The following ADAM9 variants were observed in gnomAD, a reference collection of about 807,000 sequenced individuals.
ADAM9 encodes disintegrin and metalloproteinase domain-containing protein 9.
In ADAM9, 54 loss-of-function variants were observed where a neutral mutation model predicts 108.1. That is an observed-to-expected ratio of 0.50 (90% confidence interval 0.40 to 0.63). The LOEUF (loss-of-function observed/expected upper bound fraction) is 0.63. Ranked by LOEUF, ADAM9 falls within the 20% of genes least tolerant of loss-of-function variation. The pLI, the probability that ADAM9 is intolerant of heterozygous loss-of-function variation, is 0.00. For missense variants in ADAM9, 830 were observed against 997.7 expected (o/e 0.83, Z 2.26); for synonymous variants, 316 against 336.0 (o/e 0.94, Z 0.65).
chr8:39,099,710 A>G (rs1839622745), intron 20 of ADAM9, among the ~76,000 whole-genome samples: 1 of 152,180 alleles, frequency 6.6e-6, no homozygotes, highest in Non-Finnish European at 1.5e-5. Flanking sequence ...AGTTGTATAC[A>G]TTTATGGGGT....
chr8:39,090,448 G>A (rs569467109), intron 19 of ADAM9, among the ~76,000 whole-genome samples: 1 of 152,154 alleles, frequency 6.6e-6, no homozygotes. Context: ...GATTACTGGA[G>A]TGAGCCTCCA....
At chr8:39,025,750 A>T (rs1588349079) in intron 9 of ADAM9, 53 bp from the exon 10 acceptor site, 2 of 1,523,498 alleles carry the variant, frequency 1.3e-6, no homozygotes, top group Non-Finnish European at 1.8e-6. Context: ...AATAAAAGCA[A>T]TGTGTTCCTT....
chr8:39,061,679 G>A (rs780708213), intron 14 of ADAM9, among the ~76,000 whole-genome samples: 2 of 151,768 alleles, frequency 1.3e-5, no homozygotes, highest in African/African-American at 4.8e-5. Context: ...GATGAGGGTC[G>A]TTTTGCTGAG....
chr8:39,039,333 A>G (rs1217494430), intron 11 of ADAM9, among the ~76,000 whole-genome samples: 1 of 152,248 alleles, frequency 6.6e-6, no homozygotes, highest in East Asian at 1.9e-4. Flanking sequence ...TGATGTAAAT[A>G]TAGGTGGTGA....
At chr8:39,022,097 T>TGTGTGTGA (rs1356591377) in intron 8 of ADAM9, among the ~76,000 whole-genome samples, 145 of 136,272 alleles carry the variant, frequency 1.1e-3, no homozygotes, top group African/African-American at 4.0e-3. Flanking sequence ...TGTGTGTGTG[T>TGTGTGTGA]GAGAGAGAGA....
rs780558969 is a variant in ADAM9 at position 39,085,294 on chromosome 8, CAT to C, written c.2068+2222_2068+2223del. Among the ~76,000 whole-genome samples, 7 of 152,260 alleles carry C rather than the reference CAT, an allele frequency of 4.6e-5. No homozygotes were observed. The South Asian group carries it at 6.2e-4, about 14-fold the overall frequency. On this transcript the variant is annotated intron_variant, in intron 18 of 21. Coordinates refer to ENST00000487273, the MANE Select transcript of ADAM9 (RefSeq NM_003816.3). ...CTCTCATTTTGTGCCATTGTTGTCA[CAT>C]GTTTTACTTCTACTAATGTTATAAA...
At chr8:39,101,750 G>C in intron 20 of ADAM9, 113 bp from the exon 21 acceptor site, 1 of 887,382 alleles carries the variant, frequency 1.1e-6, no homozygotes, top group Non-Finnish European at 1.7e-6. Context: ...TTTCTGATAA[G>C]GAATATTCAA....
chr8:39,000,482 G>A (rs116649593), intron 1 of ADAM9, among the ~76,000 whole-genome samples: 53 of 151,722 alleles, frequency 3.5e-4, no homozygotes, highest in Admixed American at 2.3e-3. Flanking sequence ...CTTTCTGAGA[G>A]ACAGGGTCTT....
At chr8:39,005,763 C>A (rs762688391) in intron 1 of ADAM9, among the ~76,000 whole-genome samples, 72 of 152,176 alleles carry the variant, frequency 4.7e-4, no homozygotes, top group Non-Finnish European at 7.1e-4. Context: ...TCATTAAAAA[C>A]AAATCATGAT....
chr8:39,019,968 C>A (rs1836680027), intron 7 of ADAM9, among the ~76,000 whole-genome samples: 1 of 152,224 alleles, frequency 6.6e-6, no homozygotes, highest in African/African-American at 2.4e-5. Flanking sequence ...ATGTTTTGGA[C>A]AAGTCACAAA....
chr8:39,022,870 C>G (rs1331967859), intron 8 of ADAM9, among the ~76,000 whole-genome samples: 1 of 151,950 alleles, frequency 6.6e-6, no homozygotes, highest in Non-Finnish European at 1.5e-5. Flanking sequence ...TGCACCACCA[C>G]GCCCAGCTAA....
In ADAM9 at chr8:39,017,387, G is replaced by A; in HGVS notation, c.579G>A (p.Glu193=). The A allele has an allele frequency of 6.2e-7, 1 of 1,614,016 alleles. No homozygotes were observed. Among genetic ancestry groups the A allele is most frequent in the Non-Finnish European group, 8.5e-7 (1 of 1,179,968 alleles). Residue 193 remains glutamate, a synonymous_variant, in exon 6 of 22, where the codon GAG becomes GAA. Coordinates refer to ENST00000487273, the MANE Select transcript of ADAM9 (RefSeq NM_003816.3). ...AAACTGCAAAGGATGAAGAGGAAGA[G>A]CCTCCCAGCATGACTCAGCTACTTC... ...EKETAKDEEE[E]PPSMTQLLRR... is the part of the protein sequence containing the mutation.
chr8:39,070,574 G>T (rs1838650972), intron 14 of ADAM9, among the ~76,000 whole-genome samples: 1 of 151,882 alleles, frequency 6.6e-6, no homozygotes, highest in Admixed American at 6.6e-5. Flanking sequence ...AGGCAACATA[G>T]CAAGACCCCA....
intron 11 of ADAM9, among the ~76,000 whole-genome samples, chr8:39,038,324 T>A (rs1009089815): frequency 1.3e-5 from 2 of 152,154 alleles, no homozygotes; most frequent in East Asian, 1.9e-4. Flanking sequence ...CATGACTCAT[T>A]TCCTCACTGA....
chr8:39,103,912 A>G lies in ADAM9; in HGVS notation c.*212A>G, dbSNP rs1839781544. ...GTAAAGCCAGGGAATTTACAATAAC[A>G]TTTCCGTTTCCATCATTGAATAAGT... On this transcript the variant is annotated 3_prime_UTR_variant, in exon 22 of 22. Coordinates refer to ENST00000487273, the MANE Select transcript of ADAM9 (RefSeq NM_003816.3). 1.5e-6 allele frequency: 1 copy of G among 687,228 alleles called. No individual in the cohort carries two copies. 42.6% of individuals were successfully genotyped at this position (687,228 alleles called of 1,614,324 possible).
chr8:39,085,290 G>C (rs1461218783), intron 18 of ADAM9, among the ~76,000 whole-genome samples: 1 of 151,966 alleles, frequency 6.6e-6, no homozygotes, highest in Non-Finnish European at 1.5e-5. Flanking sequence ...TGCCATTGTT[G>C]TCACATGTTT....
chr8:39,044,542 AT>A (rs1204293722), intron 12 of ADAM9, among the ~76,000 whole-genome samples: 1 of 151,136 alleles, frequency 6.6e-6, no homozygotes, highest in Non-Finnish European at 1.5e-5. Context: ...TGGTGTACCC[AT>A]TACCCAAACA....
intron 16 of ADAM9, among the ~76,000 whole-genome samples, chr8:39,078,994 TCA>T: frequency 6.6e-6 from 1 of 152,294 alleles, no homozygotes; most frequent in Admixed American, 6.5e-5. Context: ...ATCTCACTGT[TCA>T]CTGGGCATAT....
chr8:39,026,298 C>T (rs1189500801), intron 10 of ADAM9, among the ~76,000 whole-genome samples: 2 of 152,232 alleles, frequency 1.3e-5, no homozygotes, highest in African/African-American at 2.4e-5. Context: ...TGTTCCCCTC[C>T]CTGTGTCCAT....
Sources: gnomAD v4.1 joint callset for allele counts (sites outside exome capture counted in the v4.1 genomes callset) on GRCh38, gnomAD v4.1.1 for gene constraint, MANE v1.5 for transcripts, NCBI Gene and HGNC (gene_info 2026-07-23, HGNC 2026-07-21) for gene names.